CLVS2: variants seen among roughly 807,000 people sequenced by gnomAD.
CLVS2 encodes clavesin-2.
Under a neutral mutation model 29.0 loss-of-function variants are expected in CLVS2, and 19 were observed. The observed-to-expected ratio is 0.66, with a 90% CI of 0.46 to 0.96. The LOEUF is 0.96. Among genes scored for constraint, CLVS2 ranks in the 40% least tolerant of loss-of-function variants. The probability of loss-of-function intolerance (pLI) is 0.00; values close to 1 mark genes in which losing one functional copy is unlikely to be tolerated. For synonymous variants in CLVS2, 161 were observed against 151.3 expected (o/e 1.06, Z -0.47); for missense variants, 294 against 404.1 (o/e 0.73, Z 2.34).
rs541763942 is a variant in CLVS2, at chr6:123,035,839, C to A, written c.565-12783C>A. ...CACAAACACACCCCCATATACACAA[C>A]AACTGTTGGAAAGAACATTTCTTTA... On this transcript the variant is annotated intron_variant, in intron 3 of 5. Coordinates refer to ENST00000275162, the MANE Select transcript of CLVS2 (RefSeq NM_001010852.4). Among the ~76,000 whole-genome samples, 199 of 152,242 alleles carry A rather than the reference C, an allele frequency of 1.3e-3. 3 individuals are homozygous for A. Among genetic ancestry groups the A allele is most frequent in the African/African-American group, 4.6e-3 (190 of 41,552 alleles).
chr6:123,009,477 T>C (rs963814523), intron 2 of CLVS2, among the ~76,000 whole-genome samples: 2 of 152,108 alleles, frequency 1.3e-5, no homozygotes, highest in Non-Finnish European at 2.9e-5. Context: ...CTTTCTGAAC[T>C]ACTATGCTTT....
intron 4 of CLVS2, among the ~76,000 whole-genome samples, chr6:123,054,315 G>T (rs1045732447): frequency 1.3e-4 from 20 of 152,172 alleles, no homozygotes; most frequent in Admixed American, 9.2e-4. Context: ...ACTGGCTGTT[G>T]TGCCCTCAGA....
rs1772850133 is a variant in CLVS2 at position 123,066,093 on chromosome 6, A to AT, written c.*2334dup. ...AATTACAATGATGATGCCTTTTGAA[A>AT]TTACCATATCTAGTTCATTCTGTGA... On this transcript the variant is annotated 3_prime_UTR_variant, in exon 6 of 6. Transcript: ENST00000275162. 6.6e-6 allele frequency: 1 copy of AT among 151,718 alleles called. No individual in the cohort carries two copies. The highest frequency in any genetic ancestry group is 6.6e-5 in the Admixed American group (1 of 15,186). 9.4% of individuals were successfully genotyped at this position (151,718 alleles called of 1,614,324 possible). A position where few individuals can be genotyped will look rare whatever the true frequency, so the allele number is the denominator to read the frequency against.
At chr6:123,017,958 A>G (rs188002730) in intron 3 of CLVS2, among the ~76,000 whole-genome samples, 4 of 152,102 alleles carry the variant, frequency 2.6e-5, no homozygotes, top group African/African-American at 7.2e-5. Context: ...ATTAAAGAGA[A>G]TTACTAATTA....
At position 123,064,679 on chromosome 6, in the gene CLVS2, T is replaced by TATAC. The variant is rs1020601092; in HGVS notation, c.*921_*922insCATA. On this transcript the variant is annotated 3_prime_UTR_variant, in exon 6 of 6. Coordinates refer to ENST00000275162, the MANE Select transcript of CLVS2 (RefSeq NM_001010852.4). ...GTGCACTGGTTAAAAAGTATATATATATATATATTCACACATATATATTTT... is the reference window on the plus strand; with the variant it reads ...GTGCACTGGTTAAAAAGTATATATATATACATATATATTCACACATATATATTTT... 1.3e-5 allele frequency: 2 copies of TATAC among 151,610 alleles called. No individual in the cohort carries two copies. Among genetic ancestry groups the TATAC allele is most frequent in the African/African-American group, 4.8e-5 (2 of 41,308 alleles). 9.4% of individuals were successfully genotyped at this position (151,610 alleles called of 1,614,324 possible). A position where few individuals can be genotyped will look rare whatever the true frequency, so the allele number is the denominator to read the frequency against.
intron 2 of CLVS2, among the ~76,000 whole-genome samples, chr6:122,999,796 T>C (rs1011665242): frequency 2.0e-5 from 3 of 152,158 alleles, no homozygotes; most frequent in Non-Finnish European, 4.4e-5. Context: ...GATACCATTA[T>C]GGGGGCAGAT....
At chr6:123,058,218 G>A (rs149760195) in intron 5 of CLVS2, among the ~76,000 whole-genome samples, 1 of 152,184 alleles carries the variant, frequency 6.6e-6, no homozygotes, top group Admixed American at 6.5e-5. Flanking sequence ...ACGTTAGGTA[G>A]TCTATATATA....
At chr6:123,030,751 T>A (rs565621989) in intron 3 of CLVS2, among the ~76,000 whole-genome samples, 35 of 151,192 alleles carry the variant, frequency 2.3e-4, no homozygotes, top group Non-Finnish European at 4.9e-4. Flanking sequence ...ATCGAGTTAA[T>A]CTTAGGGCTT....
chr6:122,997,603 G>A lies in CLVS2; in HGVS notation c.-175G>A. 1 of 653,462 alleles carries A rather than the reference G, an allele frequency of 1.5e-6. No individual in the cohort carries two copies. The highest frequency in any genetic ancestry group is 2.8e-5 in the East Asian group (1 of 36,266). 40.5% of individuals were successfully genotyped at this position (653,462 alleles called of 1,614,324 possible). A position where few individuals can be genotyped will look rare whatever the true frequency, so the allele number is the denominator to read the frequency against. On this transcript the variant is annotated 5_prime_UTR_variant, in exon 2 of 6. Coordinates refer to ENST00000275162, the MANE Select transcript of CLVS2 (RefSeq NM_001010852.4). ...CCCGGCCCCCCCAGCTTTGCTGGGG[G>A]AAAGCAGGAGCAACAGGGCACTTGA...
intron 3 of CLVS2, among the ~76,000 whole-genome samples, chr6:123,035,556 T>C (rs759292185): frequency 2.3e-4 from 35 of 152,034 alleles, no homozygotes; most frequent in Non-Finnish European, 4.3e-4. Context: ...AGAGATTAGG[T>C]TTCAAAAAAA....
intron 3 of CLVS2, among the ~76,000 whole-genome samples, chr6:123,013,247 A>G (rs1774778708): frequency 6.6e-6 from 1 of 152,032 alleles, no homozygotes; most frequent in African/African-American, 2.4e-5. Flanking sequence ...ATTTTTTTCA[A>G]TATCAAAATA....
At chr6:123,062,456 G>A (rs1358289679) in intron 5 of CLVS2, among the ~76,000 whole-genome samples, 3 of 150,478 alleles carry the variant, frequency 2.0e-5, no homozygotes, top group South Asian at 2.1e-4. Context: ...TCTGTCTTAC[G>A]CTCACACACA....
rs1442433679 is a variant in CLVS2 at position 123,071,142 on chromosome 6, CT to C, written c.*7382del. ...GGCAGGAATTTTTGTCTGTTTACTA[CT>C]GCATTACTGGTGCCTTGTACAGTCC... On this transcript the variant is annotated 3_prime_UTR_variant, in exon 6 of 6. Transcript: ENST00000275162. The C allele has an allele frequency of 6.6e-6, 1 of 152,002 alleles. No individual in the cohort carries two copies. Among genetic ancestry groups the C allele is most frequent in the Non-Finnish European group, 1.5e-5 (1 of 67,968 alleles). 9.4% of individuals were successfully genotyped at this position (152,002 alleles called of 1,614,324 possible). A position where few individuals can be genotyped will look rare whatever the true frequency, so the allele number is the denominator to read the frequency against.
At chr6:123,050,632 T>C (rs957205663) in intron 4 of CLVS2, among the ~76,000 whole-genome samples, 3 of 151,760 alleles carry the variant, frequency 2.0e-5, no homozygotes, top group African/African-American at 7.3e-5. Flanking sequence ...GAATGAGCTA[T>C]GGGGGCAGAT....
At position 123,070,849 on chromosome 6, in the gene CLVS2, C is replaced by T. The variant is rs1772937019; in HGVS notation, c.*7088C>T. ...TTCCAGGAACTTGCTAAGCATGCCT[C>T]TACCTCAGGACTTTCGCATTTCTGT... On this transcript the variant is annotated 3_prime_UTR_variant, in exon 6 of 6. Transcript: ENST00000275162. The T allele has an allele frequency of 6.6e-6, 1 of 151,944 alleles. No homozygotes were observed. The highest frequency in any genetic ancestry group is 6.6e-5 in the Admixed American group (1 of 15,208). 9.4% of individuals were successfully genotyped at this position (151,944 alleles called of 1,614,324 possible). A position where few individuals can be genotyped will look rare whatever the true frequency, so the allele number is the denominator to read the frequency against.
Position 123,066,802 on chromosome 6 carries a change from C to T in CLVS2, c.*3041C>T, listed in dbSNP as rs992742845. ...TGTACTCTCTTCCAAAAAGTAAATA[C>T]GTAAATCTATATTATATAGGTGAAA... On this transcript the variant is annotated 3_prime_UTR_variant, in exon 6 of 6. Coordinates refer to ENST00000275162, the MANE Select transcript of CLVS2 (RefSeq NM_001010852.4). 6 of 151,652 alleles carry T rather than the reference C, an allele frequency of 4.0e-5. No homozygotes were observed. The highest frequency in any genetic ancestry group is 2.1e-4 in the South Asian group (1 of 4,820). 9.4% of individuals were successfully genotyped at this position (151,652 alleles called of 1,614,324 possible).
rs1329782679 is a variant in CLVS2 at position 123,069,028 on chromosome 6, TTAA to T, written c.*5268_*5270del. On this transcript the variant is annotated 3_prime_UTR_variant, in exon 6 of 6. Coordinates refer to ENST00000275162, the MANE Select transcript of CLVS2 (RefSeq NM_001010852.4). The stretch of plus-strand genomic sequence containing the variant: ...TTTGAGAGAAATTGTGCTTAGCTAT[TTAA>T]GTTAAGATTCCTCAAGTTTGTGATA... 6.6e-6 allele frequency: 1 copy of T among 151,648 alleles called. No homozygotes were observed. Among genetic ancestry groups the T allele is most frequent in the Non-Finnish European group, 1.5e-5 (1 of 67,730 alleles). The allele number at this position is 151,648 out of a possible 1,614,324, so 9.4% of individuals were successfully genotyped here.
intron 3 of CLVS2, among the ~76,000 whole-genome samples, chr6:123,032,636 C>T (rs1034531570): frequency 2.0e-5 from 3 of 151,992 alleles, no homozygotes; most frequent in Non-Finnish European, 4.4e-5. Context: ...TGGGTGAATG[C>T]TGCATGGCTA....
intron 3 of CLVS2, among the ~76,000 whole-genome samples, chr6:123,017,358 G>A (rs962233314): frequency 6.6e-6 from 1 of 152,012 alleles, no homozygotes; most frequent in Non-Finnish European, 1.5e-5. Context: ...CTGAAGCAAT[G>A]CCTATCTTTT....
Sources: gnomAD v4.1 joint callset for allele counts (sites outside exome capture counted in the v4.1 genomes callset) on GRCh38, gnomAD v4.1.1 for gene constraint, MANE v1.5 for transcripts, NCBI Gene and HGNC (gene_info 2026-07-23, HGNC 2026-07-21) for gene names.